PARD3: variants seen among roughly 807,000 people sequenced by gnomAD.
PARD3 encodes partitioning defective 3 homolog.
PARD3 carries 75 observed loss-of-function variants against 155.4 expected under a neutral mutation model. That is an observed-to-expected ratio of 0.48 (90% CI 0.40 to 0.58). The LOEUF is 0.58. PARD3 is among the 20% of genes least tolerant of loss of function. PARD3 has a pLI of 0.00. For missense variants in PARD3, 1,642 were observed against 1,721.7 expected (o/e 0.95, Z 0.82); for synonymous variants, 576 against 610.5 (o/e 0.94, Z 0.83).
At chr10:34,281,111 T>TA (rs201446688) in intron 21 of PARD3, among the ~76,000 whole-genome samples, 5,757 of 152,196 alleles carry the variant, frequency 0.038, 292 homozygotes, top group African/African-American at 0.12. Context: ...GGGCTTTGTA[T>TA]GGGAGGCTAA....
intron 2 of PARD3, among the ~76,000 whole-genome samples, chr10:34,681,580 A>T (rs571013259): frequency 1.3e-5 from 2 of 150,140 alleles, no homozygotes; most frequent in South Asian, 4.2e-4. Flanking sequence ...AGAACATGGA[A>T]CACCACTGTT....
rs117959818 is a variant in PARD3 at position 34,714,233 on chromosome 10, C to T, written c.121-17814G>A. 9.2e-5 allele frequency among the ~76,000 whole-genome samples: 14 copies of T among 152,274 alleles called. No individual in the cohort carries two copies. In the East Asian group the frequency reaches 2.7e-3, roughly 29 times the overall value. On this transcript the variant is annotated intron_variant, in intron 1 of 24. Transcript: ENST00000374788. Reference sequence around the variant, plus strand: ...TGACCTGATTTTTCACAAAGAAAGGCTCCCAAATGACTTCAACATAAAGAT... The same window carrying T: ...TGACCTGATTTTTCACAAAGAAAGGTTCCCAAATGACTTCAACATAAAGAT...
chr10:34,111,660 C>T, intron 24 of PARD3, 98 bp from the exon 25 acceptor site: 1 of 978,972 alleles, frequency 1.0e-6, no homozygotes, highest in Non-Finnish European at 1.5e-6. Context: ...TTTCACTTTT[C>T]AACAAATATT....
intron 23 of PARD3, among the ~76,000 whole-genome samples, chr10:34,128,843 T>C (rs1947434715): frequency 1.3e-5 from 2 of 152,208 alleles, no homozygotes; most frequent in Non-Finnish European, 2.9e-5. Flanking sequence ...ATTCTCAAAG[T>C]TGAACTTGTT....
chr10:34,306,488 A>G (rs1957415643), intron 20 of PARD3, among the ~76,000 whole-genome samples: 1 of 151,812 alleles, frequency 6.6e-6, no homozygotes, highest in Admixed American at 6.6e-5. Flanking sequence ...CATCTCTACT[A>G]AAATTACAAA....
At chr10:34,765,198 A>C (rs1837933104) in intron 1 of PARD3, among the ~76,000 whole-genome samples, 1 of 152,180 alleles carries the variant, frequency 6.6e-6, no homozygotes, top group Non-Finnish European at 1.5e-5. Context: ...AAAGAAAAAT[A>C]CAAAGTTTAA....
At position 34,360,682 on chromosome 10, in the gene PARD3, A is replaced by C. The variant is rs527467993; in HGVS notation, c.1708-423T>G. ...GAGGAAATTCTGAAGTTATCAATAT[A>C]TTTAATGTTCACTAATGGTGTTTAT... On this transcript the variant is annotated intron_variant, in intron 12 of 24. Transcript: ENST00000374788. Among the ~76,000 whole-genome samples, 4 of 152,340 alleles carry C rather than the reference A, an allele frequency of 2.6e-5. No individual in the cohort carries two copies. The South Asian group carries it at 8.3e-4, about 32-fold the overall frequency.
At chr10:34,585,978 T>TA (rs1424582418) in intron 2 of PARD3, among the ~76,000 whole-genome samples, 2 of 152,172 alleles carry the variant, frequency 1.3e-5, no homozygotes, top group Non-Finnish European at 2.9e-5. Context: ...AAATGCAGGT[T>TA]ATTCCAGACC....
rs2081678282 is a variant in PARD3 at position 34,515,624 on chromosome 10, A to G, written c.403+1355T>C. Among the ~76,000 whole-genome samples the G allele has an allele frequency of 1.3e-5, 2 of 152,200 alleles. 1 individual carries two copies. The highest frequency in any genetic ancestry group is 1.3e-4 in the Admixed American group (2 of 15,272). ...GGGCTAACAGATCTCTAACTGTTAAACTGCTCTTCTTTCCTTGTTCTCTTT... is the reference window on the plus strand; with the variant it reads ...GGGCTAACAGATCTCTAACTGTTAAGCTGCTCTTCTTTCCTTGTTCTCTTT... On this transcript the variant is annotated intron_variant, in intron 3 of 24. Transcript: ENST00000374788.
At chr10:34,224,495 A>G (rs1028552647) in intron 22 of PARD3, among the ~76,000 whole-genome samples, 1 of 152,224 alleles carries the variant, frequency 6.6e-6, no homozygotes, top group African/African-American at 2.4e-5. Context: ...ATCTGCGGAG[A>G]AAGGAGACTA....
At chr10:34,806,234 G>A (rs1416370471) in intron 1 of PARD3, among the ~76,000 whole-genome samples, 1 of 130,790 alleles carries the variant, frequency 7.6e-6, no homozygotes, top group Non-Finnish European at 1.6e-5. Context: ...TCTCCCCATC[G>A]CCCAGGCTGG....
intron 2 of PARD3, among the ~76,000 whole-genome samples, chr10:34,595,014 A>G (rs981010564): frequency 2.0e-5 from 3 of 152,200 alleles, no homozygotes; most frequent in Non-Finnish European, 4.4e-5. Flanking sequence ...GCTCAGCTAC[A>G]GTAGACATGT....
At chr10:34,419,863 C>T (rs192111023) in intron 5 of PARD3, among the ~76,000 whole-genome samples, 10 of 152,292 alleles carry the variant, frequency 6.6e-5, no homozygotes, top group South Asian at 6.2e-4. Flanking sequence ...ATACAAATTA[C>T]GTAAAACTTG....
chr10:34,509,233 A>G (rs1038979406), intron 3 of PARD3, among the ~76,000 whole-genome samples: 2 of 152,202 alleles, frequency 1.3e-5, no homozygotes, highest in Non-Finnish European at 2.9e-5. Context: ...CAGAACATGC[A>G]TCTACCTGGG....
intron 22 of PARD3, among the ~76,000 whole-genome samples, chr10:34,151,518 G>A (rs779113108): frequency 7.9e-5 from 12 of 152,096 alleles, no homozygotes; most frequent in Non-Finnish European, 1.8e-4. Flanking sequence ...TAAAGCTTCA[G>A]TTTGAGGTAT....
intron 2 of PARD3, among the ~76,000 whole-genome samples, chr10:34,531,237 G>A (rs551073057): frequency 3.1e-4 from 47 of 151,912 alleles, no homozygotes; most frequent in African/African-American, 7.2e-4. Flanking sequence ...CAGCACTTTC[G>A]TCTGCATTAA....
intron 14 of PARD3, among the ~76,000 whole-genome samples, chr10:34,353,659 GT>G (rs1217609208): frequency 3.3e-5 from 5 of 151,324 alleles, no homozygotes; most frequent in Admixed American, 3.3e-4. Context: ...ATCCACTATT[GT>G]CCTATGACCC....
chr10:34,692,300 C>T (rs2094080457), intron 2 of PARD3, among the ~76,000 whole-genome samples: 1 of 151,436 alleles, frequency 6.6e-6, no homozygotes, highest in South Asian at 2.1e-4. Context: ...ACTATAAAAA[C>T]CCTGGAAGAT....
At chr10:34,687,846 CTTTTTTTTTT>C (rs397846339) in intron 2 of PARD3, among the ~76,000 whole-genome samples, 9 of 63,722 alleles carry the variant, frequency 1.4e-4, no homozygotes, top group East Asian at 5.6e-4. Context: ...CACCTGAAAT[CTTTTTTTTTT>C]TTTTTTTTTT....
Sources: allele counts gnomAD v4.1 joint callset (sites outside exome capture counted in the v4.1 genomes callset), GRCh38; gene constraint gnomAD v4.1.1; transcripts MANE v1.5; gene names NCBI Gene and HGNC (gene_info 2026-07-23, HGNC 2026-07-21).